MYT1L: variants seen among roughly 807,000 people sequenced by gnomAD.
MYT1L encodes myelin transcription factor 1-like protein.
A neutral mutation model predicts 126.7 loss-of-function variants in MYT1L; 12 were observed. That is an observed-to-expected ratio of 0.09 (90% confidence interval 0.06 to 0.15). The LOEUF (loss-of-function observed/expected upper bound fraction) is 0.15, where lower values mean the gene tolerates loss of function less well. Among genes scored for constraint, MYT1L ranks in the 10% least tolerant of loss-of-function variants. The pLI is 1.00. For missense variants in MYT1L, 979 were observed against 1,585.2 expected, an observed-to-expected ratio of 0.62 and a Z score of 6.49; for synonymous variants, 541 against 604.2, an observed-to-expected ratio of 0.90 and a Z score of 1.53.
At position 2,217,097 on chromosome 2, in the gene MYT1L, C is replaced by A. The variant is rs78748450; in HGVS notation, c.-420-44109G>T. Among the ~76,000 whole-genome samples, 1,493 of 152,168 alleles carry A rather than the reference C, an allele frequency of 9.8e-3. 25 individuals are homozygous for A. The highest frequency in any genetic ancestry group is 0.034 in the African/African-American group (1,429 of 41,528). ...TCAGGTATGAATTGCATCAAACATT[C>A]AATAAATGAATAATACAAATTCTTT... On this transcript the variant is annotated intron_variant, in intron 2 of 24. Transcript: ENST00000647738.
chr2:2,218,152 T>C (rs1180122665), intron 2 of MYT1L, among the ~76,000 whole-genome samples: 1 of 152,212 alleles, frequency 6.6e-6, no homozygotes, highest in African/African-American at 2.4e-5. Context: ...GGAGAAAGTT[T>C]GGCAGTTTGT....
chr2:1,851,598 TGA>T (rs1165264420), intron 19 of MYT1L, 41 bp downstream of exon 19: 1 of 1,572,914 alleles, frequency 6.4e-7, no homozygotes, highest in Non-Finnish European at 8.7e-7. Context: ...GCCATTTCAG[TGA>T]GAAAGAGCAT....
At chr2:1,867,974 TTTC>T (rs769039849) in intron 18 of MYT1L, among the ~76,000 whole-genome samples, 36 of 146,324 alleles carry the variant, frequency 2.5e-4, no homozygotes, top group Admixed American at 1.1e-3. Context: ...TATGCTTTTC[TTTC>T]TTTTTTTTTT....
intron 23 of MYT1L, among the ~76,000 whole-genome samples, chr2:1,798,386 G>A (rs2034209132): frequency 6.6e-6 from 1 of 152,216 alleles, no homozygotes; most frequent in Admixed American, 6.5e-5. Context: ...TCCCTGTGCA[G>A]GACCCTCATC....
chr2:1,878,183 C>T (rs1238332854), intron 18 of MYT1L, among the ~76,000 whole-genome samples: 1 of 152,166 alleles, frequency 6.6e-6, no homozygotes, highest in Non-Finnish European at 1.5e-5. Context: ...TGAGTGCTGC[C>T]CCAGTGCTCG....
In MYT1L at chr2:1,793,498, C is replaced by T. The variant is rs1409466779; in HGVS notation, c.3277-1034G>A. Among the ~76,000 whole-genome samples the T allele has an allele frequency of 6.6e-6, 1 of 152,208 alleles. No individual in the cohort carries two copies. The highest frequency in any genetic ancestry group is 2.4e-5 in the African/African-American group (1 of 41,462). On this transcript the variant is annotated intron_variant, in intron 23 of 24. Coordinates refer to ENST00000647738, the MANE Select transcript of MYT1L (RefSeq NM_001303052.2). The surrounding 1 kb of genome is among the most constrained non-coding windows in gnomAD (Gnocchi z 4.6). ...GACGTGTCATTCCTAAGTCCTCTCA[C>T]GAGAGTCTCTCCTCCTCTCCCTGTC...
At chr2:1,919,926 G>A (rs1205839399) in intron 10 of MYT1L, among the ~76,000 whole-genome samples, 2 of 151,836 alleles carry the variant, frequency 1.3e-5, no homozygotes, top group African/African-American at 4.8e-5. Context: ...GACAGTGTTA[G>A]CCAGGATGGT....
chr2:2,068,778 T>TTG, intron 3 of MYT1L, among the ~76,000 whole-genome samples: 1 of 139,082 alleles, frequency 7.2e-6, no homozygotes, highest in Non-Finnish European at 1.6e-5. Flanking sequence ...TGTTTTTTTT[T>TTG]TTTTTTTTTT....
chr2:1,910,245 C>T lies in MYT1L; in HGVS notation c.1812G>A (p.Val604=). The T allele has an allele frequency of 6.2e-7, 1 of 1,612,864 alleles. No individual in the cohort carries two copies. The highest frequency in any genetic ancestry group is 8.5e-7 in the Non-Finnish European group (1 of 1,179,838). The change falls in exon 13 of 25, where the codon GTG becomes GTA. Residue 604 remains valine, a synonymous_variant. Coordinates refer to ENST00000647738, the MANE Select transcript of MYT1L (RefSeq NM_001303052.2). This position sits in a 1 kb window ranked among gnomAD's most constrained non-coding sequence, Gnocchi z 4.8. ...GGTGCACTCCTGCTGGGTACCTGAG[C>T]ACGCGGTCCGAGGCCTGGCTGGACT... ...VSKSSQASDR[V]LRPMCFVKQL...
intron 2 of MYT1L, among the ~76,000 whole-genome samples, chr2:2,244,750 G>A (rs997883622): frequency 6.6e-6 from 1 of 152,144 alleles, no homozygotes; most frequent in African/African-American, 2.4e-5. Context: ...GGCAAGACAC[G>A]ATACCTCCAT....
intron 9 of MYT1L, among the ~76,000 whole-genome samples, chr2:1,930,198 T>C (rs1395711818): frequency 6.6e-6 from 1 of 152,178 alleles, no homozygotes; most frequent in African/African-American, 2.4e-5. Context: ...CACTAAGTGC[T>C]ACATGACACA....
intron 11 of MYT1L, among the ~76,000 whole-genome samples, chr2:1,913,446 GC>G (rs1261121243): frequency 6.6e-6 from 1 of 152,096 alleles, no homozygotes; most frequent in Non-Finnish European, 1.5e-5. Context: ...ACAGTTCCCT[GC>G]CCCCTTCCTC....
intron 12 of MYT1L, 60 bp downstream of exon 12, chr2:1,911,960 G>C: frequency 7.4e-7 from 1 of 1,344,136 alleles, no homozygotes; most frequent in Non-Finnish European, 1.0e-6. Context: ...CCCCAGGAAG[G>C]AGAAGGCATG....
chr2:2,136,088 G>C (rs1356249607), intron 3 of MYT1L, among the ~76,000 whole-genome samples: 1 of 152,164 alleles, frequency 6.6e-6, no homozygotes, highest in Non-Finnish European at 1.5e-5. Flanking sequence ...CATGGATGAA[G>C]CTGGGAACCA....
chr2:2,292,129 C>G (rs1176800623), intron 1 of MYT1L, among the ~76,000 whole-genome samples: 1 of 152,296 alleles, frequency 6.6e-6, no homozygotes, highest in Middle Eastern at 3.4e-3. Context: ...AAAGGGGCAG[C>G]GAGCAGGGCA....
chr2:2,299,245 G>C (rs1437947650), intron 1 of MYT1L, among the ~76,000 whole-genome samples: 1 of 152,190 alleles, frequency 6.6e-6, no homozygotes, highest in Non-Finnish European at 1.5e-5. Context: ...ATTTCTCTAA[G>C]GGGGAGCACC....
intron 2 of MYT1L, among the ~76,000 whole-genome samples, chr2:2,264,273 T>G (rs1003497300): frequency 2.0e-5 from 3 of 152,158 alleles, no homozygotes; most frequent in Non-Finnish European, 4.4e-5. Flanking sequence ...TGCTTCCCAC[T>G]AATCCACAGC....
chr2:2,281,650 A>G (rs965028608), intron 2 of MYT1L, among the ~76,000 whole-genome samples: 2 of 152,240 alleles, frequency 1.3e-5, no homozygotes, highest in African/African-American at 2.4e-5. Flanking sequence ...CAAATATTGA[A>G]AATACTGTCA....
intron 3 of MYT1L, among the ~76,000 whole-genome samples, chr2:2,166,875 T>A (rs564825137): frequency 8.5e-5 from 13 of 152,320 alleles, no homozygotes; most frequent in African/African-American, 3.1e-4. Context: ...GAAGTCATAG[T>A]TTTGCTTCTC....
Sources: allele counts gnomAD v4.1 joint callset (sites outside exome capture counted in the v4.1 genomes callset), GRCh38; gene constraint gnomAD v4.1.1; non-coding constraint Gnocchi (gnomAD v3.1); transcripts MANE v1.5; gene names NCBI Gene and HGNC (gene_info 2026-07-23, HGNC 2026-07-21).